Variants in LIN54 observed in about 807,000 individuals in gnomAD.
LIN54 encodes lin-54 DREAM MuvB core complex component.
In LIN54, 9 loss-of-function variants were observed where a neutral mutation model predicts 78.7. That is an observed-to-expected ratio of 0.11 (90% CI 0.07 to 0.20). The LOEUF (loss-of-function observed/expected upper bound fraction) is 0.20, where lower values mean the gene tolerates loss of function less well. Ranked by LOEUF, LIN54 falls within the 10% of genes least tolerant of loss-of-function variation. The probability of loss-of-function intolerance (pLI) is 1.00; values close to 1 mark genes in which losing one functional copy is unlikely to be tolerated. For missense variants in LIN54, 573 were observed against 889.9 expected (o/e 0.64, Z 4.53); for synonymous variants, 269 against 318.4 (o/e 0.84, Z 1.65).
Position 82,937,131 on chromosome 4 carries a change from G to A in LIN54, c.1604+96C>T, listed in dbSNP as rs555218017. ...GTTTATTTAAATTACTTAGACTTAT[G>A]AGCTTTGGTCTGCTAAAAATTTTTA... On this transcript the variant is annotated intron_variant, in intron 9 of 12. Transcript: ENST00000340417. The A allele has an allele frequency of 3.0e-4, 233 of 765,662 alleles. 1 individual carries two copies. The African/African-American group carries it at 3.7e-3, about 12-fold the overall frequency. 47.4% of individuals were successfully genotyped at this position (765,662 alleles called of 1,614,324 possible).
Position 83,010,666 on chromosome 4 carries a change from C to T in LIN54, c.-215G>A, listed in dbSNP as rs1423526412. ...GGTACCCGGGGACCGAGAAGGGAGC[C>T]GGGGTGGCGACGTCGCCGTCGCCGC... On this transcript the variant is annotated 5_prime_UTR_variant, in exon 1 of 13. Coordinates refer to ENST00000340417, the MANE Select transcript of LIN54 (RefSeq NM_194282.4). 5 of 1,231,146 alleles carry T rather than the reference C, an allele frequency of 4.1e-6. No homozygotes were observed. The highest frequency in any genetic ancestry group is 5.1e-6 in the Non-Finnish European group (5 of 987,504). 76.3% of individuals were successfully genotyped at this position (1,231,146 alleles called of 1,614,324 possible).
intron 4 of LIN54, among the ~76,000 whole-genome samples, chr4:82,949,047 G>A (rs1421497726): frequency 6.6e-6 from 1 of 152,038 alleles, no homozygotes; most frequent in African/African-American, 2.4e-5. Flanking sequence ...GGGATTGCTG[G>A]GTCATGTGGT....
At chr4:82,929,392 ATACTC>A (rs1245324089) in intron 12 of LIN54, among the ~76,000 whole-genome samples, 3 of 152,178 alleles carry the variant, frequency 2.0e-5, no homozygotes, top group African/African-American at 4.8e-5. Flanking sequence ...ATTAGATTCA[ATACTC>A]TAAAGACCAG....
intron 4 of LIN54, among the ~76,000 whole-genome samples, chr4:82,948,264 G>T (rs1157539644): frequency 6.6e-6 from 1 of 152,016 alleles, no homozygotes; most frequent in African/African-American, 2.4e-5. Context: ...ACATTTATTG[G>T]GTACTTAATA....
intron 5 of LIN54, among the ~76,000 whole-genome samples, chr4:82,940,435 C>T (rs1722755379): frequency 6.6e-6 from 1 of 152,132 alleles, no homozygotes; most frequent in Non-Finnish European, 1.5e-5. Flanking sequence ...GTCTGTCACC[C>T]AGGCTGGAGT....
intron 1 of LIN54, among the ~76,000 whole-genome samples, chr4:82,994,580 A>G (rs1728034081): frequency 6.6e-6 from 1 of 151,970 alleles, no homozygotes. Flanking sequence ...TTGTATTTTT[A>G]GTAGAGACAG....
chr4:82,937,812 CA>C (rs1251844108), intron 8 of LIN54, among the ~76,000 whole-genome samples: 2 of 151,912 alleles, frequency 1.3e-5, no homozygotes, highest in East Asian at 3.9e-4. Flanking sequence ...TAAACATCAA[CA>C]AAAAATGAGG....
Position 82,984,771 on chromosome 4 carries a change from T to A in LIN54, c.74A>T (p.Asp25Val), listed in dbSNP as rs760429791. The A allele has an allele frequency of 1.2e-6, 2 of 1,613,968 alleles. No individual in the cohort carries two copies. The highest frequency in any genetic ancestry group is 2.2e-5 in the South Asian group (2 of 91,076). The stretch of plus-strand genomic sequence containing the variant: ...AATAACAGCCTCAATACTATCATCA[T>A]CCACTAAAGTTATACCAGTGTCCAT... ...EIMDTGITLVDDDSIEAVIVS... is the reference protein window; with the variant it reads ...EIMDTGITLVVDDSIEAVIVS... Residue 25 changes from aspartate (D) to valine (V), a missense_variant, in exon 2 of 13, where the codon GAT (aspartate) becomes GTT (valine). Asp to Val is a radical substitution (Grantham distance 152). This residue lies in a region of LIN54 where 183 missense variants were observed against 228.4 expected (regional missense o/e 0.80). Coordinates refer to ENST00000340417, the MANE Select transcript of LIN54 (RefSeq NM_194282.4).
rs35020887 is a variant in LIN54 at position 82,943,861 on chromosome 4, A to ATTTT, written c.1168+2393_1168+2396dup. On this transcript the variant is annotated intron_variant, in intron 5 of 12. Coordinates refer to ENST00000340417, the MANE Select transcript of LIN54 (RefSeq NM_194282.4). The stretch of plus-strand genomic sequence containing the variant: ...GAAAAGAAGGCACCAGTCAATACTG[A>ATTTT]TTTTTTTTTTTTTTTTTTTTTTTTT... Among the ~76,000 whole-genome samples the ATTTT allele has an allele frequency of 5.3e-4, 68 of 128,384 alleles. 1 individual carries two copies. Among genetic ancestry groups the ATTTT allele is most frequent in the African/African-American group, 2.4e-3 (66 of 27,824 alleles). The allele number at this position is 128,384 out of a possible 152,430, so 84.2% of individuals were successfully genotyped here. A position where few individuals can be genotyped will look rare whatever the true frequency, so the allele number is the denominator to read the frequency against.
chr4:82,974,275 CAG>C (rs1381083018), intron 3 of LIN54, among the ~76,000 whole-genome samples: 1 of 151,134 alleles, frequency 6.6e-6, no homozygotes, highest in Admixed American at 6.6e-5. Flanking sequence ...AAGGTGGGGA[CAG>C]AGGAGAAAGA....
chr4:82,942,642 C>T (rs1424582975), intron 5 of LIN54, among the ~76,000 whole-genome samples: 1 of 152,110 alleles, frequency 6.6e-6, no homozygotes, highest in Admixed American at 6.5e-5. Context: ...GGAGAGTGGA[C>T]TCCCTCCACC....
intron 4 of LIN54, among the ~76,000 whole-genome samples, chr4:82,950,916 G>A (rs1356303638): frequency 6.6e-6 from 1 of 151,976 alleles, no homozygotes; most frequent in African/African-American, 2.4e-5. Flanking sequence ...TCTTTTACTT[G>A]GTGATTTTGA....
At chr4:82,960,401 G>A (rs896215807) in intron 4 of LIN54, among the ~76,000 whole-genome samples, 1 of 151,284 alleles carries the variant, frequency 6.6e-6, no homozygotes, top group Non-Finnish European at 1.5e-5. Flanking sequence ...CTCCCAAAGC[G>A]TTGGGACTAC....
chr4:83,007,584 G>A (rs747557395), intron 1 of LIN54, among the ~76,000 whole-genome samples: 1 of 151,802 alleles, frequency 6.6e-6, no homozygotes, highest in Non-Finnish European at 1.5e-5. Flanking sequence ...GTGGTTTTAC[G>A]GCATCCGATA....
intron 4 of LIN54, among the ~76,000 whole-genome samples, chr4:82,947,382 C>A (rs962312074): frequency 6.9e-6 from 1 of 143,980 alleles, no homozygotes; most frequent in Non-Finnish European, 1.5e-5. Context: ...ACAGGTACCA[C>A]GCCCAGTTAA....
chr4:82,975,962 C>T (rs773541379), intron 3 of LIN54, among the ~76,000 whole-genome samples: 2 of 152,134 alleles, frequency 1.3e-5, no homozygotes, highest in Non-Finnish European at 2.9e-5. Context: ...AAGTCAAAAA[C>T]TTCCAAGATG....
intron 4 of LIN54, among the ~76,000 whole-genome samples, chr4:82,947,031 CAAAAG>C (rs1252659388): frequency 6.6e-6 from 1 of 150,912 alleles, no homozygotes; most frequent in East Asian, 2.0e-4. Flanking sequence ...TGCTTTTTCC[CAAAAG>C]AAAAGCCTAC....
At chr4:82,950,364 C>A (rs933209450) in intron 4 of LIN54, among the ~76,000 whole-genome samples, 10 of 152,160 alleles carry the variant, frequency 6.6e-5, no homozygotes, top group African/African-American at 2.4e-4. Context: ...ACTTATTAAA[C>A]CACATTTCTT....
intron 2 of LIN54, among the ~76,000 whole-genome samples, chr4:82,980,823 A>G (rs940103834): frequency 1.3e-5 from 2 of 152,194 alleles, no homozygotes; most frequent in Admixed American, 1.3e-4. Context: ...AACCTTAGCT[A>G]TAACAATTAT....
Sources: gnomAD v4.1 joint callset for allele counts (sites outside exome capture counted in the v4.1 genomes callset) on GRCh38, gnomAD v4.1.1 for gene constraint, gnomAD v4.1.1 regional missense constraint, MANE v1.5 for transcripts, NCBI Gene and HGNC (gene_info 2026-07-23, HGNC 2026-07-21) for gene names.